RPS19: variants seen among roughly 807,000 people sequenced by gnomAD.
RPS19 encodes small ribosomal subunit protein eS19.
A neutral mutation model predicts 20.3 loss-of-function variants in RPS19; 1 was observed. That is an observed-to-expected ratio of 0.05 (90% CI 0.02 to 0.23). RPS19 has a LOEUF of 0.23. Among genes scored for constraint, RPS19 ranks in the 10% least tolerant of loss-of-function variants. RPS19 has a pLI of 1.00. For synonymous variants in RPS19, 87 were observed against 74.8 expected (o/e 1.16, Z -0.84); for missense variants, 111 against 192.7 (o/e 0.58, Z 2.51).
In RPS19 at chr19:41,869,687, C is replaced by T; in HGVS notation, c.357-12C>T. 3.1e-6 allele frequency: 5 copies of T among 1,613,800 alleles called. No homozygotes were observed. The highest frequency in any genetic ancestry group is 4.2e-6 in the Non-Finnish European group (5 of 1,179,896). On this transcript the variant is annotated splice_polypyrimidine_tract_variant and intron_variant, in intron 4 of 5. Transcript: ENST00000598742. ...GCTCACTGGGGCCTGCATGACCCTT[C>T]CCTCCCCACAGCGGCCGCAAACTGA... is the stretch of plus-strand genomic sequence containing the variant.
At chr19:41,862,019 C>A (rs1398987516) in intron 3 of RPS19, among the ~76,000 whole-genome samples, 1 of 132,720 alleles carries the variant, frequency 7.5e-6, no homozygotes, top group Non-Finnish European at 1.7e-5. Flanking sequence ...AAGGTGACAG[C>A]CTTAGCACCG....
rs781833287 is a variant in RPS19, at chr19:41,861,160, C to T, written c.120C>T (p.Ala40=). ...AATGGGTGGATACCGTCAAGCTGGC[C>T]AAGCACAAAGAGCTTGCTCCCTACG... ...VPEWVDTVKL[A]KHKELAPYDE... Residue 40 remains alanine (A), a synonymous_variant, in exon 3 of 6, where the codon GCC becomes GCT. Transcript: ENST00000598742. 15 of 1,614,054 alleles carry T rather than the reference C, an allele frequency of 9.3e-6. No individual in the cohort carries two copies. In the South Asian group the frequency reaches 9.9e-5, roughly 11 times the overall value.
At chr19:41,860,742 G>C in intron 1 of RPS19, 33 bp from the exon 2 acceptor site, 3 of 1,538,354 alleles carry the variant, frequency 2.0e-6, no homozygotes, top group Non-Finnish European at 2.7e-6. Flanking sequence ...TCTCTGCCAG[G>C]CCTGTGTTCA....
chr19:41,863,698 A>G (rs2074056138), intron 3 of RPS19, among the ~76,000 whole-genome samples: 1 of 152,112 alleles, frequency 6.6e-6, no homozygotes. Context: ...GCAGAGCTGT[A>G]GGAGTAAGCA....
At position 41,872,155 on chromosome 19, in the gene RPS19, G is replaced by A. The variant is rs1355232010; in HGVS notation, c.*778G>A. On this transcript the variant is annotated 3_prime_UTR_variant, in exon 6 of 6. Transcript: ENST00000598742. ...CAACCTTTGCAGTCGTGCACGGCAA[G>A]TGGGATGTGGCCTCCGCCCATGATT... The A allele has an allele frequency of 1.3e-5, 2 of 152,304 alleles. No individual in the cohort carries two copies. Among genetic ancestry groups the A allele is most frequent in the Non-Finnish European group, 2.9e-5 (2 of 68,082 alleles). The allele number at this position is 152,304 out of a possible 1,614,324, so 9.4% of individuals were successfully genotyped here.
chr19:41,870,086 T>TA (rs2074131228), intron 5 of RPS19, among the ~76,000 whole-genome samples: 1 of 151,988 alleles, frequency 6.6e-6, no homozygotes, highest in Non-Finnish European at 1.5e-5. Context: ...CTACTAAAAA[T>TA]ACAAAATTAG....
intron 3 of RPS19, among the ~76,000 whole-genome samples, chr19:41,861,800 G>A (rs1333900376): frequency 6.6e-6 from 1 of 152,166 alleles, no homozygotes; most frequent in Admixed American, 6.5e-5. Context: ...ATCTGGCCAG[G>A]TCAGTCCCTG....
At chr19:41,860,976 G>A (rs887653832) in intron 2 of RPS19, 131 bp downstream of exon 2, 8 of 1,107,742 alleles carry the variant, frequency 7.2e-6, no homozygotes, top group African/African-American at 1.5e-5. Flanking sequence ...TCAGCGTGAG[G>A]CCTGGCTTGT....
rs1480771553 is a variant in RPS19, at chr19:41,872,173, C to T, written c.*796C>T. 1 of 152,284 alleles carries T rather than the reference C, an allele frequency of 6.6e-6. No homozygotes were observed. The highest frequency in any genetic ancestry group is 1.5e-5 in the Non-Finnish European group (1 of 68,064). The allele number at this position is 152,284 out of a possible 1,614,324, so 9.4% of individuals were successfully genotyped here. A position where few individuals can be genotyped will look rare whatever the true frequency, so the allele number is the denominator to read the frequency against. Reference sequence around the variant, plus strand: ...ACGGCAAGTGGGATGTGGCCTCCGCCCATGATTGGGCACCTGGTCAGGCTG... The same window carrying T: ...ACGGCAAGTGGGATGTGGCCTCCGCTCATGATTGGGCACCTGGTCAGGCTG... On this transcript the variant is annotated 3_prime_UTR_variant, in exon 6 of 6. Transcript: ENST00000598742.
rs7246519 is a variant in RPS19, at chr19:41,871,503, G to T, written c.*126G>T. The T allele has an allele frequency of 2.5e-6, 2 of 802,770 alleles. No individual in the cohort carries two copies. Among genetic ancestry groups the T allele is most frequent in the South Asian group, 2.8e-5 (2 of 71,456 alleles). 49.7% of individuals were successfully genotyped at this position (802,770 alleles called of 1,614,324 possible). The stretch of plus-strand genomic sequence containing the variant: ...GCCATCTCAGCTCACTGCAATCTCC[G>T]CCTTCTGGGTTCAAATGATTCTCCT... On this transcript the variant is annotated 3_prime_UTR_variant, in exon 6 of 6. Transcript: ENST00000598742.
chr19:41,860,913 G>A, intron 2 of RPS19, 68 bp downstream of exon 2: 2 of 1,390,210 alleles, frequency 1.4e-6, no homozygotes, highest in Non-Finnish European at 2.0e-6. Flanking sequence ...CTGAGCCCCA[G>A]TGTTTGCCGG....
In RPS19 at chr19:41,870,848, C is replaced by CTTTTTTTTTTTTTTTTTTTTT. The variant is rs2074139987; in HGVS notation, c.412-503_412-502insTTTTTTTTTTTTTTTTTTTTT. Among the ~76,000 whole-genome samples, 4 of 85,766 alleles carry CTTTTTTTTTTTTTTTTTTTTT rather than the reference C, an allele frequency of 4.7e-5. 1 individual carries two copies. Among genetic ancestry groups the CTTTTTTTTTTTTTTTTTTTTT allele is most frequent in the Admixed American group, 1.4e-4 (1 of 6,950 alleles). The allele number at this position is 85,766 out of a possible 152,430, so 56.3% of individuals were successfully genotyped here. A position where few individuals can be genotyped will look rare whatever the true frequency, so the allele number is the denominator to read the frequency against. ...TTGGACTCCACTCCGCCACTCCCTT[C>CTTTTTTTTTTTTTTTTTTTTT]CTTTTTTTTTTTTTTTTTTTTTTTT... On this transcript the variant is annotated intron_variant, in intron 5 of 5. Transcript: ENST00000598742.
chr19:41,870,572 G>A (rs2074136222), intron 5 of RPS19, among the ~76,000 whole-genome samples: 1 of 151,710 alleles, frequency 6.6e-6, no homozygotes, highest in South Asian at 2.1e-4. Context: ...GTAGTGAGGA[G>A]TCAGTGAGCT....
chr19:41,871,320 C>G, intron 5 of RPS19, 31 bp from the exon 6 acceptor site: 1 of 1,612,728 alleles, frequency 6.2e-7, no homozygotes, highest in Non-Finnish European at 8.5e-7. Flanking sequence ...ACCCCCTTGA[C>G]TAACTTTTAT....
intron 1 of RPS19, 197 bp from the exon 2 acceptor site, chr19:41,860,578 G>A: frequency 1.5e-6 from 1 of 657,512 alleles, no homozygotes. Context: ...CTGTTAGTGC[G>A]ATCCAGAGAG....
intron 3 of RPS19, among the ~76,000 whole-genome samples, chr19:41,867,167 G>A (rs1475448542): frequency 1.3e-5 from 2 of 151,930 alleles, no homozygotes; most frequent in Middle Eastern, 3.2e-3. Flanking sequence ...TCTGGGCGTG[G>A]TGGCTTGCAC....
At position 41,860,296 on chromosome 19, in the gene RPS19, G is replaced by T. The variant is rs930868590; in HGVS notation, c.-1+7G>T. 6 of 153,430 alleles carry T rather than the reference G, an allele frequency of 3.9e-5. No homozygotes were observed. In the South Asian group the frequency reaches 6.2e-4, roughly 16 times the overall value. 9.5% of individuals were successfully genotyped at this position (153,430 alleles called of 1,614,324 possible). A position where few individuals can be genotyped will look rare whatever the true frequency, so the allele number is the denominator to read the frequency against. The stretch of plus-strand genomic sequence containing the variant: ...GCAGCGCGGAGGCCGCACGGTAAGC[G>T]GGGGCTCCGAGCTGGACCGGGCGCG... On this transcript the variant is annotated splice_region_variant and intron_variant, in intron 1 of 5. Coordinates refer to ENST00000598742, the MANE Select transcript of RPS19 (RefSeq NM_001022.4).
At chr19:41,870,421 G>C (rs192957558) in intron 5 of RPS19, among the ~76,000 whole-genome samples, 4 of 152,212 alleles carry the variant, frequency 2.6e-5, no homozygotes, top group Admixed American at 1.3e-4. Flanking sequence ...GATAAGGGAG[G>C]GGGGCTGGTT....
At chr19:41,866,735 G>T (rs1158016139) in intron 3 of RPS19, among the ~76,000 whole-genome samples, 2 of 151,972 alleles carry the variant, frequency 1.3e-5, no homozygotes, top group East Asian at 3.9e-4. Context: ...CGGGGCCAGG[G>T]GCCGGGTGCG....
Sources: allele counts gnomAD v4.1 joint callset (sites outside exome capture counted in the v4.1 genomes callset), GRCh38; gene constraint gnomAD v4.1.1; transcripts MANE v1.5; gene names NCBI Gene and HGNC (gene_info 2026-07-23, HGNC 2026-07-21).